CCSER2: variants seen among roughly 807,000 people sequenced by gnomAD.
CCSER2 encodes serine-rich coiled-coil domain-containing protein 2.
In CCSER2, 46 loss-of-function variants were observed where a neutral mutation model predicts 92.3. The observed-to-expected ratio is 0.50, with a 90% CI of 0.39 to 0.64. CCSER2 has a LOEUF of 0.64. Among genes scored for constraint, CCSER2 ranks in the 30% least tolerant of loss-of-function variants. CCSER2 has a pLI of 0.00. For missense variants in CCSER2, 1,244 were observed against 1,238.9 expected, an observed-to-expected ratio of 1.00 and a Z score of -0.06; for synonymous variants, 433 against 431.4, an observed-to-expected ratio of 1.00 and a Z score of -0.04.
At chr10:84,504,663 T>A (rs192550922) in intron 9 of CCSER2, among the ~76,000 whole-genome samples, 2 of 152,344 alleles carry the variant, frequency 1.3e-5, no homozygotes, top group African/African-American at 4.8e-5. Context: ...TGTATATTTT[T>A]AAAAATTTAG....
intron 1 of CCSER2, among the ~76,000 whole-genome samples, chr10:84,359,536 T>G (rs1845386646): frequency 1.3e-5 from 2 of 152,090 alleles, no homozygotes; most frequent in Non-Finnish European, 2.9e-5. Context: ...TTTTAACAAG[T>G]TTCTAGGTGT....
At chr10:84,381,458 T>C (rs1840900409) in intron 3 of CCSER2, among the ~76,000 whole-genome samples, 1 of 152,160 alleles carries the variant, frequency 6.6e-6, no homozygotes, top group South Asian at 2.1e-4. Flanking sequence ...TATAAAACTT[T>C]TCATAAATGA....
chr10:84,386,375 GAA>G (rs1434964831), intron 3 of CCSER2, among the ~76,000 whole-genome samples: 1 of 152,220 alleles, frequency 6.6e-6, no homozygotes, highest in African/African-American at 2.4e-5. Context: ...ATTGGATAAA[GAA>G]AATGTGGTGT....
At chr10:84,456,055 A>G in intron 6 of CCSER2, 1 of 440,874 alleles carries the variant, frequency 2.3e-6, no homozygotes, top group South Asian at 2.0e-5. Flanking sequence ...TCCAAAGCCT[A>G]GATCGGGCTG....
chr10:84,443,565 A>G (rs1236948909), intron 6 of CCSER2, among the ~76,000 whole-genome samples: 1 of 152,242 alleles, frequency 6.6e-6, no homozygotes, highest in East Asian at 1.9e-4. Flanking sequence ...TAGTTCAACC[A>G]TTGTGGAAGA....
intron 1 of CCSER2, among the ~76,000 whole-genome samples, chr10:84,337,490 A>C (rs150358838): frequency 1.3e-5 from 2 of 152,274 alleles, no homozygotes; most frequent in African/African-American, 4.8e-5. Flanking sequence ...GGAAGTGAAG[A>C]CTTGATTGGA....
At chr10:84,391,418 G>C (rs1468468403) in intron 3 of CCSER2, 1 of 1,540,794 alleles carries the variant, frequency 6.5e-7, no homozygotes, top group East Asian at 2.2e-5. Flanking sequence ...TAAAATGCTA[G>C]AAGTTCGACA....
intron 9 of CCSER2, among the ~76,000 whole-genome samples, chr10:84,487,850 C>T (rs1260021597): frequency 6.6e-6 from 1 of 152,176 alleles, no homozygotes; most frequent in Admixed American, 6.5e-5. Flanking sequence ...AGTTTTTGCC[C>T]ATTGAGTATG....
chr10:84,499,918 T>C, intron 9 of CCSER2: 1 of 1,613,846 alleles, frequency 6.2e-7, no homozygotes, highest in Non-Finnish European at 8.5e-7. Flanking sequence ...CAGGGCTCCT[T>C]CCAGGGGATC....
rs144878143 is a variant in CCSER2 at position 84,417,861 on chromosome 10, G to A, written c.1705G>A (p.Val569Met). 14 of 1,495,142 alleles carry A rather than the reference G, an allele frequency of 9.4e-6. No homozygotes were observed. The highest frequency in any genetic ancestry group is 1.3e-5 in the Non-Finnish European group (14 of 1,071,882). The allele number at this position is 1,495,142 out of a possible 1,614,324, so 92.6% of individuals were successfully genotyped here. A position where few individuals can be genotyped will look rare whatever the true frequency, so the allele number is the denominator to read the frequency against. ...DLPEDAPLEN[V>M]ECDNMNRFDR... is the part of the protein sequence containing the mutation. ...GCCTGAGGATGCACCTCTTGAAAAT[G>A]GTAAGTTGAGACAATATTGAACCTT... Residue 569 changes from valine to methionine, a missense_variant and splice_region_variant, in exon 4 of 10, where the codon GTG becomes ATG. Val to Met is a conservative substitution (Grantham distance 21, BLOSUM62 1). Coordinates refer to ENST00000372088, the MANE Select transcript of CCSER2 (RefSeq NM_001284240.2).
chr10:84,346,818 GT>G (rs1424724023), intron 1 of CCSER2, among the ~76,000 whole-genome samples: 18 of 151,664 alleles, frequency 1.2e-4, no homozygotes, highest in Admixed American at 1.2e-3. Flanking sequence ...ATTCTTGGGT[GT>G]TTCTCGCAGA....
chr10:84,397,505 A>G (rs1017440543), intron 3 of CCSER2, among the ~76,000 whole-genome samples: 1 of 152,218 alleles, frequency 6.6e-6, no homozygotes, highest in Non-Finnish European at 1.5e-5. Flanking sequence ...AGGTCACTCA[A>G]TACATTCATT....
At chr10:84,410,543 T>C (rs947052335) in intron 3 of CCSER2, among the ~76,000 whole-genome samples, 2 of 152,228 alleles carry the variant, frequency 1.3e-5, no homozygotes, top group African/African-American at 4.8e-5. Context: ...TCATCTTTGT[T>C]GGCTGCATGT....
chr10:84,379,177 T>A (rs1430953140), intron 3 of CCSER2, among the ~76,000 whole-genome samples: 1 of 152,206 alleles, frequency 6.6e-6, no homozygotes, highest in East Asian at 1.9e-4. Flanking sequence ...AAAATTTGTA[T>A]GTATATTCGT....
chr10:84,443,046 A>G (rs1844672199), intron 6 of CCSER2, among the ~76,000 whole-genome samples: 1 of 152,234 alleles, frequency 6.6e-6, no homozygotes, highest in East Asian at 1.9e-4. Context: ...TAAAAACTCT[A>G]GAAGAAAACC....
Position 84,473,699 on chromosome 10 carries a change from A to T in CCSER2, c.2235+3241A>T, listed in dbSNP as rs72826294. Among the ~76,000 whole-genome samples, 640 of 152,206 alleles carry T rather than the reference A, an allele frequency of 4.2e-3. 11 individuals carry two copies. Among genetic ancestry groups the T allele is most frequent in the Admixed American group, 0.024 (372 of 15,288 alleles). ...TCAAATTAAAATCACCTATTAAAAA[A>T]TTTTTTTTAACATCTCTATTCTTAA... On this transcript the variant is annotated intron_variant, in intron 8 of 9. Coordinates refer to ENST00000372088, the MANE Select transcript of CCSER2 (RefSeq NM_001284240.2).
At chr10:84,488,951 T>C (rs1485269840) in intron 9 of CCSER2, among the ~76,000 whole-genome samples, 2 of 152,218 alleles carry the variant, frequency 1.3e-5, no homozygotes, top group African/African-American at 2.4e-5. Flanking sequence ...TTTGTTCTCA[T>C]TGGTTTCAAA....
chr10:84,447,545 C>T (rs1364883482), intron 6 of CCSER2, among the ~76,000 whole-genome samples: 1 of 152,156 alleles, frequency 6.6e-6, no homozygotes, highest in Non-Finnish European at 1.5e-5. Flanking sequence ...GGTTTTAATA[C>T]AGTGAATTTA....
At chr10:84,466,273 C>T (rs1374145521) in intron 7 of CCSER2, among the ~76,000 whole-genome samples, 3 of 152,118 alleles carry the variant, frequency 2.0e-5, no homozygotes. Context: ...CATCTCGTGC[C>T]ATTAAAATTG....
Sources: gnomAD v4.1 joint callset for allele counts (sites outside exome capture counted in the v4.1 genomes callset) on GRCh38, gnomAD v4.1.1 for gene constraint, MANE v1.5 for transcripts, NCBI Gene and HGNC (gene_info 2026-07-23, HGNC 2026-07-21) for gene names.